Variants in NRG1 observed in about 807,000 individuals in gnomAD.
NRG1 encodes the protein neuregulin 1, also known as pro-neuregulin-1, membrane-bound isoform.
Under a neutral mutation model 63.8 loss-of-function variants are expected in NRG1, and 18 were observed. The observed-to-expected ratio is 0.28, with a 90% CI of 0.19 to 0.42. The LOEUF (loss-of-function observed/expected upper bound fraction) is 0.42. Among genes scored for constraint, NRG1 ranks in the 10% least tolerant of loss-of-function variants. The pLI is 1.00. For synonymous variants in NRG1, 302 were observed against 301.3 expected (o/e 1.00, Z -0.02); for missense variants, 762 against 814.7 (o/e 0.94, Z 0.79).
intron 1 of NRG1, among the ~76,000 whole-genome samples, chr8:32,147,662 C>T (rs887074501): frequency 6.6e-6 from 1 of 152,036 alleles, no homozygotes; most frequent in African/African-American, 2.4e-5. Context: ...TCAGATCATC[C>T]ACTTCCCTCT....
intron 1 of NRG1, among the ~76,000 whole-genome samples, chr8:32,549,698 C>T (rs183626845): frequency 6.6e-6 from 1 of 152,214 alleles, no homozygotes; most frequent in East Asian, 1.9e-4. Context: ...CATCAGAACA[C>T]GAGCATGAAC....
At chr8:31,689,115 A>G (rs781565865) in intron 1 of NRG1, among the ~76,000 whole-genome samples, 4 of 152,164 alleles carry the variant, frequency 2.6e-5, no homozygotes, top group Non-Finnish European at 5.9e-5. Flanking sequence ...TTGTAATTTC[A>G]TGGGGCCCAC....
intron 1 of NRG1, among the ~76,000 whole-genome samples, chr8:32,166,100 C>T (rs1157962709): frequency 6.6e-6 from 1 of 152,092 alleles, no homozygotes; most frequent in African/African-American, 2.4e-5. Context: ...CCATTATAGA[C>T]AAATATTGTA....
rs1847645988 is a variant in NRG1, at chr8:32,237,125, C to T, written c.38-358703C>T. 2.6e-5 allele frequency among the ~76,000 whole-genome samples: 4 copies of T among 152,214 alleles called. 1 individual carries two copies. Among genetic ancestry groups the T allele is most frequent in the Admixed American group, 2.6e-4 (4 of 15,272 alleles). On this transcript the variant is annotated intron_variant, in intron 1 of 10. Transcript: ENST00000519301. ...TATCAGGTGCAGGAGAAGTAGACTA[C>T]ATACATTATTTGTTGTCTATCTTTG...
chr8:32,124,152 T>C (rs1187791713), intron 1 of NRG1, among the ~76,000 whole-genome samples: 1 of 152,000 alleles, frequency 6.6e-6, no homozygotes, highest in Non-Finnish European at 1.5e-5. Context: ...CCAGGGAACC[T>C]GCTAATACTT....
chr8:31,783,279 T>C (rs1378674628), intron 1 of NRG1, among the ~76,000 whole-genome samples: 1 of 152,088 alleles, frequency 6.6e-6, no homozygotes, highest in Non-Finnish European at 1.5e-5. Context: ...AACCAACACA[T>C]ATGTTTGCAA....
chr8:32,646,343 G>GA (rs1283243199), intron 5 of NRG1, among the ~76,000 whole-genome samples: 2 of 152,030 alleles, frequency 1.3e-5, no homozygotes, highest in Admixed American at 6.6e-5. Flanking sequence ...CCATGGTTAG[G>GA]AAAAAAATGT....
At chr8:31,728,116 C>A (rs1813635493) in intron 1 of NRG1, among the ~76,000 whole-genome samples, 2 of 152,004 alleles carry the variant, frequency 1.3e-5, no homozygotes, top group African/African-American at 4.8e-5. Context: ...AGTTTCAAAC[C>A]AAGGGTAACT....
chr8:32,434,275 G>A (rs1301019020), intron 1 of NRG1, among the ~76,000 whole-genome samples: 1 of 152,082 alleles, frequency 6.6e-6, no homozygotes, highest in Non-Finnish European at 1.5e-5. Context: ...GTACAGTACT[G>A]AGCTAAACGT....
chr8:32,299,952 C>A (rs544680433), intron 1 of NRG1, among the ~76,000 whole-genome samples: 2 of 152,068 alleles, frequency 1.3e-5, no homozygotes, highest in Admixed American at 6.5e-5. Context: ...TACATTTCAG[C>A]AGTTAGATGA....
intron 1 of NRG1, among the ~76,000 whole-genome samples, chr8:32,004,947 A>C (rs528390809): frequency 6.6e-6 from 1 of 151,902 alleles, no homozygotes; most frequent in African/African-American, 2.4e-5. Context: ...GGAATAACTA[A>C]GGAAAAATAG....
chr8:32,221,086 T>A (rs1845763511), intron 1 of NRG1: 1 of 152,098 alleles, frequency 6.6e-6, no homozygotes, highest in Non-Finnish European at 1.5e-5. Context: ...AATGGATGCA[T>A]GAAAAAAAGA....
chr8:31,846,204 C>T (rs747425360), intron 1 of NRG1, among the ~76,000 whole-genome samples: 12 of 152,164 alleles, frequency 7.9e-5, no homozygotes, highest in Non-Finnish European at 1.3e-4. Context: ...TCTAAAATTA[C>T]CTTATAACTT....
chr8:31,687,194 C>T lies in NRG1; in HGVS notation c.37+47763C>T, dbSNP rs946850587. 4.6e-5 allele frequency among the ~76,000 whole-genome samples: 7 copies of T among 151,956 alleles called. No homozygotes were observed. The East Asian group carries it at 5.8e-4, about 13-fold the overall frequency. On this transcript the variant is annotated intron_variant, in intron 1 of 10. Coordinates refer to the NRG1 transcript ENST00000519301. ...CTATCTGGGGTAGTAGAAAGAGAAG[C>T]GACAGCACAGAGAAAAGATGCCCCT...
intron 7 of NRG1, among the ~76,000 whole-genome samples, chr8:32,746,708 T>G (rs1447141279): frequency 6.6e-6 from 1 of 152,146 alleles, no homozygotes; most frequent in Non-Finnish European, 1.5e-5. Flanking sequence ...GTAAACTTTG[T>G]GTTTTTGAAT....
chr8:31,663,123 T>G (rs1436527745), intron 1 of NRG1, among the ~76,000 whole-genome samples: 5 of 152,132 alleles, frequency 3.3e-5, no homozygotes, highest in African/African-American at 1.2e-4. Context: ...CCTGTGCCAG[T>G]GTTCTGAGAA....
chr8:31,928,609 A>ATG (rs368721206), intron 1 of NRG1, among the ~76,000 whole-genome samples: 4 of 147,616 alleles, frequency 2.7e-5, no homozygotes, highest in Non-Finnish European at 4.5e-5. Flanking sequence ...TGGTGCGTGC[A>ATG]TGTGTGTGTG....
intron 1 of NRG1, among the ~76,000 whole-genome samples, chr8:32,449,398 G>T (rs1820687167): frequency 6.6e-6 from 1 of 151,202 alleles, no homozygotes; most frequent in East Asian, 1.9e-4. Context: ...TGGGACTGTG[G>T]TTGTCTCTCC....
At chr8:31,678,594 T>A (rs1807979868) in intron 1 of NRG1, among the ~76,000 whole-genome samples, 1 of 151,858 alleles carries the variant, frequency 6.6e-6, no homozygotes. Context: ...GTGACCCAAT[T>A]TAAACTTTTC....
Sources: gnomAD v4.1 joint callset for allele counts (sites outside exome capture counted in the v4.1 genomes callset) on GRCh38, gnomAD v4.1.1 for gene constraint, MANE v1.5 for transcripts, NCBI Gene and HGNC (gene_info 2026-07-23, HGNC 2026-07-21) for gene names.